The following LAMA2 variants were observed in gnomAD, a reference collection of about 807,000 sequenced individuals.
The protein encoded by LAMA2 is laminin subunit alpha-2.
LAMA2 carries 269 observed loss-of-function variants against 364.8 expected under a neutral mutation model. The observed-to-expected ratio is 0.74, with a 90% CI of 0.67 to 0.82. The LOEUF (loss-of-function observed/expected upper bound fraction) is 0.82, where lower values mean the gene tolerates loss of function less well. Among genes scored for constraint, LAMA2 ranks in the 40% least tolerant of loss-of-function variants. The probability of loss-of-function intolerance (pLI) is 0.00; values close to 1 mark genes in which losing one functional copy is unlikely to be tolerated. For synonymous variants in LAMA2, 1,379 were observed against 1,370.6 expected (o/e 1.01, Z -0.14); for missense variants, 3,807 against 3,873.2 (o/e 0.98, Z 0.45).
chr6:128,929,328 T>G, intron 1 of LAMA2: 1 of 1,165,962 alleles, frequency 8.6e-7, no homozygotes, highest in South Asian at 1.2e-5. Context: ...CAGAGCCAAG[T>G]ACACGGCCCA....
At position 129,167,624 on chromosome 6, in the gene LAMA2, G is replaced by A. The variant is rs547335883; in HGVS notation, c.1306+1949G>A. ...GTGGATAATGCCGCAATAAACATAC[G>A]TGTGCATGTGTCTTCATAGCAGCAT... On this transcript the variant is annotated intron_variant, in intron 9 of 64. Coordinates refer to ENST00000421865, the MANE Select transcript of LAMA2 (RefSeq NM_000426.4). Among the ~76,000 whole-genome samples the A allele has an allele frequency of 2.8e-3, 433 of 152,180 alleles. 1 individual carries two copies. The highest frequency in any genetic ancestry group is 9.3e-3 in the African/African-American group (386 of 41,532).
chr6:129,063,714 A>G (rs1789093060), intron 3 of LAMA2, among the ~76,000 whole-genome samples: 1 of 152,168 alleles, frequency 6.6e-6, no homozygotes, highest in African/African-American at 2.4e-5. Flanking sequence ...AGCTACAGAG[A>G]TCACACTCCA....
intron 63 of LAMA2, 21 bp from the exon 64 acceptor site, chr6:129,514,352 G>T: frequency 6.5e-7 from 1 of 1,540,966 alleles, no homozygotes; most frequent in African/African-American, 1.4e-5. Flanking sequence ...ATCTGTGACT[G>T]TTCTATTTCC....
chr6:129,347,643 G>A (rs969095902), intron 30 of LAMA2, among the ~76,000 whole-genome samples: 7 of 152,148 alleles, frequency 4.6e-5, no homozygotes, highest in Non-Finnish European at 8.8e-5. Context: ...AGCAGCCATA[G>A]GGAAATGTAA....
intron 4 of LAMA2, among the ~76,000 whole-genome samples, chr6:129,115,528 C>A (rs1381667820): frequency 6.6e-6 from 1 of 152,114 alleles, no homozygotes. Flanking sequence ...GTAAGTCTAA[C>A]AGCCTCCTTA....
intron 55 of LAMA2, among the ~76,000 whole-genome samples, chr6:129,484,753 AAAGT>A (rs1239138070): frequency 5.3e-5 from 8 of 152,214 alleles, no homozygotes; most frequent in Non-Finnish European, 7.4e-5. Context: ...ATATTTTTTA[AAAGT>A]AAGGTAATGA....
chr6:129,204,543 T>C (rs532447571), intron 12 of LAMA2, among the ~76,000 whole-genome samples: 67 of 150,798 alleles, frequency 4.4e-4, no homozygotes, highest in African/African-American at 1.6e-3. Flanking sequence ...GTGAACATGA[T>C]GATGGCCATT....
intron 1 of LAMA2, among the ~76,000 whole-genome samples, chr6:128,889,863 C>A (rs568536244): frequency 6.6e-6 from 1 of 151,888 alleles, no homozygotes; most frequent in Admixed American, 6.6e-5. Flanking sequence ...AATATGGGAA[C>A]TTTATGCTAT....
chr6:128,958,769 AC>A (rs1355502186), intron 1 of LAMA2, among the ~76,000 whole-genome samples: 2 of 152,176 alleles, frequency 1.3e-5, no homozygotes, highest in African/African-American at 4.8e-5. Flanking sequence ...AAAGCTCATA[AC>A]AAAAAGTTGC....
rs1192127690 is a variant in LAMA2, at chr6:129,492,434, A to G, written c.8195A>G (p.Glu2732Gly). 1 of 1,614,142 alleles carries G rather than the reference A, an allele frequency of 6.2e-7. No individual in the cohort carries two copies. Among genetic ancestry groups the G allele is most frequent in the East Asian group, 2.2e-5 (1 of 44,868 alleles). The change falls in exon 58 of 65, where the codon GAG (glutamate) becomes GGG (glycine). Residue 2732 changes from glutamate to glycine, a missense_variant. Coordinates refer to ENST00000421865, the MANE Select transcript of LAMA2 (RefSeq NM_000426.4). The part of the protein sequence containing the change: ...AAPAEIVIQP[E>G]PVPTPAFPTP... ...CCAGCTGAAATAGTTATCCAGCCTG[A>G]GCCAGTTCCCACCCCAGCCTTTCCT...
At chr6:129,117,371 A>G (rs1229871122) in intron 4 of LAMA2, among the ~76,000 whole-genome samples, 1 of 152,226 alleles carries the variant, frequency 6.6e-6, no homozygotes, top group Non-Finnish European at 1.5e-5. Flanking sequence ...AGAAACTAAG[A>G]TAATATGATT....
intron 58 of LAMA2, among the ~76,000 whole-genome samples, chr6:129,495,878 C>T (rs2114868597): frequency 6.6e-6 from 1 of 151,500 alleles, no homozygotes; most frequent in East Asian, 1.9e-4. Context: ...TTTCCATTTC[C>T]TCTCAGCAGT....
intron 1 of LAMA2, among the ~76,000 whole-genome samples, chr6:128,981,269 C>T (rs1214072492): frequency 6.6e-6 from 1 of 152,130 alleles, no homozygotes; most frequent in Non-Finnish European, 1.5e-5. Flanking sequence ...GCAATGATCT[C>T]TCTATAACCT....
intron 10 of LAMA2, among the ~76,000 whole-genome samples, chr6:129,182,706 G>C (rs550233648): frequency 1.3e-5 from 2 of 151,548 alleles, no homozygotes; most frequent in East Asian, 3.9e-4. Context: ...ACACTTGTAG[G>C]GTAAGTACTA....
chr6:129,031,405 G>A (rs1443378426), intron 1 of LAMA2, among the ~76,000 whole-genome samples: 2 of 151,682 alleles, frequency 1.3e-5, no homozygotes, highest in Non-Finnish European at 2.9e-5. Context: ...GGGGTGGGGG[G>A]AATAGACTGG....
chr6:129,270,580 C>A, intron 16 of LAMA2, 44 bp from the exon 17 acceptor site: 1 of 1,609,712 alleles, frequency 6.2e-7, no homozygotes, highest in South Asian at 1.1e-5. Context: ...CATGTTGATC[C>A]CTGACACCAA....
At chr6:128,973,684 C>T (rs1170162755) in intron 1 of LAMA2, among the ~76,000 whole-genome samples, 1 of 151,930 alleles carries the variant, frequency 6.6e-6, no homozygotes, top group African/African-American at 2.4e-5. Context: ...ATAAAGGATG[C>T]GGGAAAGAGG....
rs548267612 is a variant in LAMA2 at position 128,993,811 on chromosome 6, A to G, written c.113-56107A>G. On this transcript the variant is annotated intron_variant, in intron 1 of 64. Coordinates refer to ENST00000421865, the MANE Select transcript of LAMA2 (RefSeq NM_000426.4). Reference sequence around the variant, plus strand: ...TCTTCTCATTTAATTACTATAATTAATATATGCAGAAGAAAAATTAATAGG... The same window carrying G: ...TCTTCTCATTTAATTACTATAATTAGTATATGCAGAAGAAAAATTAATAGG... 2.0e-5 allele frequency among the ~76,000 whole-genome samples: 3 copies of G among 152,320 alleles called. No homozygotes were observed. The East Asian group carries it at 5.8e-4, about 29-fold the overall frequency.
At chr6:129,384,909 T>C (rs1355422617) in intron 35 of LAMA2, among the ~76,000 whole-genome samples, 2 of 151,632 alleles carry the variant, frequency 1.3e-5, no homozygotes, top group Non-Finnish European at 2.9e-5. Context: ...CACTTTTGCC[T>C]GCAGGCACTA....
Sources: allele counts gnomAD v4.1 joint callset (sites outside exome capture counted in the v4.1 genomes callset), GRCh38; gene constraint gnomAD v4.1.1; transcripts MANE v1.5; gene names NCBI Gene and HGNC (gene_info 2026-07-23, HGNC 2026-07-21).